The following TMTC4 variants were observed in gnomAD, a reference collection of about 807,000 sequenced individuals.
The protein encoded by TMTC4 is transmembrane O-mannosyltransferase targeting cadherins 4.
In TMTC4, 65 loss-of-function variants were observed where a neutral mutation model predicts 86.0. That is an observed-to-expected ratio of 0.76 (90% CI 0.62 to 0.93). TMTC4 has a LOEUF of 0.93. Ranked by LOEUF, TMTC4 falls within the 40% of genes least tolerant of loss-of-function variation. The pLI is 0.00. For missense variants in TMTC4, 866 were observed against 948.1 expected (o/e 0.91, Z 1.14); for synonymous variants, 379 against 382.5 (o/e 0.99, Z 0.11).
chr13:100,625,386 A>G, intron 15 of TMTC4, 149 bp downstream of exon 15: 1 of 1,114,630 alleles, frequency 9.0e-7, no homozygotes, highest in Non-Finnish European at 1.3e-6. Context: ...CTCAAAAGGA[A>G]ATCAAATAGC....
intron 15 of TMTC4, chr13:100,623,833 CA>C: frequency 1.3e-5 from 6 of 454,638 alleles, no homozygotes; most frequent in Admixed American, 2.3e-5. Flanking sequence ...TTTGTGCGGC[CA>C]AAACCAGATG....
intron 7 of TMTC4, among the ~76,000 whole-genome samples, chr13:100,641,432 C>T (rs1223168614): frequency 2.0e-5 from 3 of 151,508 alleles, no homozygotes; most frequent in African/African-American, 7.3e-5. Flanking sequence ...TGTGTGTGCA[C>T]GTGAGGCTTT....
At chr13:100,640,619 G>A (rs550788029) in intron 7 of TMTC4, among the ~76,000 whole-genome samples, 19 of 152,164 alleles carry the variant, frequency 1.2e-4, no homozygotes, top group African/African-American at 3.4e-4. Context: ...AGGAGTTTGA[G>A]ACCAGCCTGG....
At chr13:100,673,623 C>T (rs1887418625) in intron 1 of TMTC4, among the ~76,000 whole-genome samples, 1 of 152,226 alleles carries the variant, frequency 6.6e-6, no homozygotes, top group Non-Finnish European at 1.5e-5. Context: ...ATACATGCTA[C>T]TGAAGGCTAA....
intron 7 of TMTC4, among the ~76,000 whole-genome samples, chr13:100,640,530 T>C (rs1882874400): frequency 6.6e-6 from 1 of 152,180 alleles, no homozygotes; most frequent in Non-Finnish European, 1.5e-5. Flanking sequence ...GTTCTTTCCT[T>C]TCCAAGCTAT....
chr13:100,644,662 G>C (rs1203117507), intron 6 of TMTC4, among the ~76,000 whole-genome samples: 3 of 152,126 alleles, frequency 2.0e-5, no homozygotes, highest in African/African-American at 4.8e-5. Flanking sequence ...CAAATTTCTA[G>C]ATTTAAAATA....
chr13:100,635,251 C>T, intron 10 of TMTC4, 56 bp from the exon 11 acceptor site: 10 of 1,444,980 alleles, frequency 6.9e-6, no homozygotes, highest in Non-Finnish European at 9.2e-6. Context: ...TCAAGAAAAA[C>T]ATCCTACTCC....
intron 15 of TMTC4, chr13:100,614,825 T>TA: frequency 1.3e-5 from 8 of 625,838 alleles, no homozygotes; most frequent in Non-Finnish European, 1.4e-5. Context: ...GCCTCATCAT[T>TA]AGTCTTTTTC....
intron 16 of TMTC4, among the ~76,000 whole-genome samples, chr13:100,613,092 T>A (rs888056434): frequency 1.3e-5 from 2 of 152,254 alleles, no homozygotes; most frequent in African/African-American, 4.8e-5. Flanking sequence ...ATTGATCATT[T>A]CTTTACGTTA....
At chr13:100,662,855 G>A in intron 5 of TMTC4, 109 bp downstream of exon 5, 12 of 1,165,588 alleles carry the variant, frequency 1.0e-5, no homozygotes, top group Non-Finnish European at 1.5e-5. Flanking sequence ...CTCCAGCTCT[G>A]GAACCAAGAT....
chr13:100,631,902 A>G (rs9518115), intron 12 of TMTC4, among the ~76,000 whole-genome samples: 29,822 of 152,006 alleles, frequency 0.2, 3,141 homozygotes, highest in Admixed American at 0.24. Flanking sequence ...CAAAAATCTC[A>G]ATCTTGCTTA....
intron 3 of TMTC4, among the ~76,000 whole-genome samples, 161 bp from the exon 4 acceptor site, chr13:100,664,497 C>T (rs910242911): frequency 6.6e-6 from 1 of 152,122 alleles, no homozygotes; most frequent in Non-Finnish European, 1.5e-5. Context: ...GGGCTCACCC[C>T]ACCAGGCTTC....
At position 100,605,231 on chromosome 13, in the gene TMTC4, C is replaced by T; in HGVS notation, c.2135-89G>A. 1 of 1,427,964 alleles carries T rather than the reference C, an allele frequency of 7.0e-7. No individual in the cohort carries two copies. The highest frequency in any genetic ancestry group is 2.4e-5 in the East Asian group (1 of 42,230). The allele number at this position is 1,427,964 out of a possible 1,614,324, so 88.5% of individuals were successfully genotyped here. ...TCTTGGACAAAGAAATATTACAGATCCTATGCAAACAGTTTTCAAAAGTCA... is the reference window on the plus strand; with the variant it reads ...TCTTGGACAAAGAAATATTACAGATTCTATGCAAACAGTTTTCAAAAGTCA... On this transcript the variant is annotated intron_variant, in intron 18 of 18. Coordinates refer to ENST00000342624, the MANE Select transcript of TMTC4 (RefSeq NM_032813.5). This position sits in a 1 kb window ranked among gnomAD's most constrained non-coding sequence, Gnocchi z 4.3.
chr13:100,608,354 C>T (rs1174123516), intron 17 of TMTC4, among the ~76,000 whole-genome samples: 3 of 152,060 alleles, frequency 2.0e-5, no homozygotes. Flanking sequence ...GAGGAGGAGG[C>T]CAGTGTGAAG....
chr13:100,614,996 T>C, intron 15 of TMTC4: 6 of 966,178 alleles, frequency 6.2e-6, no homozygotes, highest in Non-Finnish European at 7.4e-6. Context: ...CAGGAGCATA[T>C]CAGACATACT....
chr13:100,642,077 G>T, intron 7 of TMTC4, 134 bp downstream of exon 7: 1 of 797,338 alleles, frequency 1.3e-6, no homozygotes, highest in South Asian at 1.9e-5. Flanking sequence ...TGTCCAGAAA[G>T]GTCTATCACC....
intron 12 of TMTC4, among the ~76,000 whole-genome samples, chr13:100,627,438 G>A (rs1478442395): frequency 3.9e-5 from 6 of 152,148 alleles, no homozygotes; most frequent in East Asian, 3.9e-4. Context: ...TCCCATCACC[G>A]GCTGAGGGAA....
At chr13:100,617,603 T>TA (rs888824794) in intron 15 of TMTC4, among the ~76,000 whole-genome samples, 11 of 151,720 alleles carry the variant, frequency 7.3e-5, no homozygotes, top group African/African-American at 1.7e-4. Flanking sequence ...CCCATTGCTT[T>TA]AAAAAAAAAT....
chr13:100,672,966 A>G (rs1431427251), intron 1 of TMTC4, among the ~76,000 whole-genome samples: 1 of 152,148 alleles, frequency 6.6e-6, no homozygotes, highest in Non-Finnish European at 1.5e-5. Context: ...ACAAAAAGAG[A>G]GACCCACTGT....
Sources: gnomAD v4.1 joint callset for allele counts (sites outside exome capture counted in the v4.1 genomes callset) on GRCh38, gnomAD v4.1.1 for gene constraint, Gnocchi (gnomAD v3.1) non-coding constraint, MANE v1.5 for transcripts, NCBI Gene and HGNC (gene_info 2026-07-23, HGNC 2026-07-21) for gene names.